TRAF1: variants seen among roughly 807,000 people sequenced by gnomAD.
The protein encoded by TRAF1 is TNF receptor associated factor 1.
A neutral mutation model predicts 40.9 loss-of-function variants in TRAF1; 23 were observed. That is an observed-to-expected ratio of 0.56 (90% CI 0.40 to 0.80). The LOEUF is 0.80. Among genes scored for constraint, TRAF1 ranks in the 30% least tolerant of loss-of-function variants. TRAF1 has a pLI of 0.00. For synonymous variants in TRAF1, 206 were observed against 218.8 expected, an observed-to-expected ratio of 0.94 and a Z score of 0.52; for missense variants, 477 against 528.7, an observed-to-expected ratio of 0.90 and a Z score of 0.96.
Position 120,905,232 on chromosome 9 carries a change from AG to A in TRAF1, c.1038del (p.Phe347SerfsTer20). Reference protein sequence around the residue: ...LLPWPFRNKVTFMLLDQNNRE... With the variant: ...LLPWPFRNKVXFMLLDQNNRE... ...CGGTTGTTCTGGTCCAGCAGCATGA[AG>A]GTGACCTGCAGGGAAGGGATAGGTG... On this transcript the variant is annotated frameshift_variant, in exon 8 of 8. Coordinates refer to ENST00000373887, the MANE Select transcript of TRAF1 (RefSeq NM_005658.5). LOFTEE classifies it high-confidence loss of function. 6.2e-7 allele frequency: 1 copy of A among 1,609,026 alleles called. No individual in the cohort carries two copies. Among genetic ancestry groups the A allele is most frequent in the Non-Finnish European group, 8.5e-7 (1 of 1,177,634 alleles).
At chr9:120,905,835 C>T (rs1211625813) in intron 7 of TRAF1, among the ~76,000 whole-genome samples, 1 of 152,208 alleles carries the variant, frequency 6.6e-6, no homozygotes, top group African/African-American at 2.4e-5. Flanking sequence ...CTGAAATGTC[C>T]ATCAGGAAGC....
In TRAF1 at chr9:120,913,734, C is replaced by A; in HGVS notation, c.299G>T (p.Ser100Ile). The A allele has an allele frequency of 6.4e-7, 1 of 1,562,962 alleles. No individual in the cohort carries two copies. The highest frequency in any genetic ancestry group is 1.9e-5 in the Admixed American group (1 of 54,002). The change falls in exon 5 of 8, where the codon AGC (serine) becomes ATC (isoleucine). Residue 100 changes from serine to isoleucine, a missense_variant. Ser to Ile is a moderately radical substitution (Grantham distance 142). Transcript: ENST00000373887. ...FAGVGCSFKGSPQSVQEHEVT... is the reference protein window; with the variant it reads ...FAGVGCSFKGIPQSVQEHEVT... The stretch of plus-strand genomic sequence containing the variant: ...CTCATGCTCTTGCACAGACTGTGGG[C>A]TTCCCTGACAAGAGAGTGGGGCTGA...
chr9:120,908,421 C>A (rs1281147358), intron 7 of TRAF1, among the ~76,000 whole-genome samples: 1 of 152,218 alleles, frequency 6.6e-6, no homozygotes, highest in African/African-American at 2.4e-5. Flanking sequence ...TATTTATTCT[C>A]TTTCCAAACA....
At chr9:120,909,902 A>G (rs1263417042) in intron 6 of TRAF1, among the ~76,000 whole-genome samples, 1 of 152,090 alleles carries the variant, frequency 6.6e-6, no homozygotes, top group Non-Finnish European at 1.5e-5. Flanking sequence ...GGCTGAGGGT[A>G]CATGGGGTGA....
rs985976448 is a variant in TRAF1 at position 120,902,462 on chromosome 9, T to C, written c.*2558A>G. On this transcript the variant is annotated 3_prime_UTR_variant, in exon 8 of 8. Transcript: ENST00000373887. ...CTTAAATTATCATCTCATCCTGCTT[T>C]CAATAGGCCCAGGGTTACCAGCAGG... 5 of 135,146 alleles carry C rather than the reference T, an allele frequency of 3.7e-5. No homozygotes were observed. The highest frequency in any genetic ancestry group is 1.4e-4 in the African/African-American group (5 of 36,470). The allele number at this position is 135,146 out of a possible 1,614,324, so 8.4% of individuals were successfully genotyped here. A position where few individuals can be genotyped will look rare whatever the true frequency, so the allele number is the denominator to read the frequency against.
rs34536586 is a variant in TRAF1 at position 120,909,258 on chromosome 9, G to A, written c.1004C>T (p.Ala335Val). 2.9e-5 allele frequency: 47 copies of A among 1,613,928 alleles called. No homozygotes were observed. Among genetic ancestry groups the A allele is most frequent in the Non-Finnish European group, 3.8e-5 (45 of 1,180,028 alleles). The change falls in exon 7 of 8, where the codon GCG becomes GTG. Residue 335 changes from alanine (A) to valine (V), a missense_variant. By Grantham distance (64) the Ala-to-Val change is moderately conservative. Transcript: ENST00000373887. The stretch of plus-strand genomic sequence containing the variant: ...GTTCCGGAAGGGCCACGGCAGCAGC[G>A]CATCATACTCCCCTCTCATGATCAC... ...FIVIMRGEYDALLPWPFRNKV... is the reference protein window; with the variant it reads ...FIVIMRGEYDVLLPWPFRNKV...
At position 120,913,501 on chromosome 9, in the gene TRAF1, G is replaced by A; in HGVS notation, c.532C>T (p.Leu178=). The change falls in exon 5 of 8, where the codon CTG becomes TTG. Residue 178 remains leucine (L), a synonymous_variant. Transcript: ENST00000373887. ...AGCTTCTCCTTCATGAAGTGCTGCA[G>A]GGCCAGCTCCTCCTGGCTCTCGGAG... ...PCSESQEELA[L]QHFMKEKLLA... 2 of 1,614,032 alleles carry A rather than the reference G, an allele frequency of 1.2e-6. No individual in the cohort carries two copies. The highest frequency in any genetic ancestry group is 1.1e-5 in the South Asian group (1 of 91,086).
At chr9:120,913,217 T>G in intron 5 of TRAF1, 111 bp downstream of exon 5, 2 of 1,320,058 alleles carry the variant, frequency 1.5e-6, no homozygotes, top group Non-Finnish European at 2.0e-6. Flanking sequence ...TACGTTTTGA[T>G]GGAGTGACTG....
Position 120,913,518 on chromosome 9 carries a change from C to G in TRAF1, c.515G>C (p.Ser172Thr). The G allele has an allele frequency of 1.2e-6, 2 of 1,613,968 alleles. No individual in the cohort carries two copies. Among genetic ancestry groups the G allele is most frequent in the Non-Finnish European group, 1.7e-6 (2 of 1,180,006 alleles). ...GTGCTGCAGGGCCAGCTCCTCCTGG[C>G]TCTCGGAGCAGGGTGCCCGGTAGCA... ...VDCYRAPCSESQEELALQHFM... is the reference protein window; with the variant it reads ...VDCYRAPCSETQEELALQHFM... The change falls in exon 5 of 8, where the codon AGC (serine) becomes ACC (threonine). Residue 172 changes from serine to threonine, a missense_variant. Ser to Thr is a moderately conservative substitution (Grantham distance 58). Coordinates refer to ENST00000373887, the MANE Select transcript of TRAF1 (RefSeq NM_005658.5).
chr9:120,912,382 C>T (rs956899476), intron 5 of TRAF1, among the ~76,000 whole-genome samples: 5 of 152,160 alleles, frequency 3.3e-5, no homozygotes, highest in East Asian at 1.9e-4. Context: ...ATAGGCCAGG[C>T]GCGGTGGCTT....
chr9:120,909,293 C>A lies in TRAF1; in HGVS notation c.969G>T (p.Ser323=). ...CCCCTCTCATGATCACGATGAAGAG[C>A]GACAGATGGGTTCTCTTTCCAGTGC... ...GDGTGKRTHL[S]LFIVIMRGEY... Residue 323 remains serine (S), a synonymous_variant, in exon 7 of 8, where the codon TCG becomes TCT. Transcript: ENST00000373887. 1 of 1,614,162 alleles carries A rather than the reference C, an allele frequency of 6.2e-7. No individual in the cohort carries two copies. The highest frequency in any genetic ancestry group is 1.7e-5 in the Admixed American group (1 of 60,020).
chr9:120,914,640 T>A, intron 3 of TRAF1: 10 of 981,706 alleles, frequency 1.0e-5, no homozygotes, highest in Non-Finnish European at 1.2e-5. Context: ...TTCCCAGTGC[T>A]GAGGGCAGTG....
At chr9:120,928,598 T>C (rs1269309162), upstream of TRAF1, 1 of 152,426 alleles carries the variant, frequency 6.6e-6, no homozygotes, top group Non-Finnish European at 1.5e-5. Flanking sequence ...ATCGGCTCCA[T>C]CCACGAGGAG....
chr9:120,924,601 G>A (rs2046626523), intron 2 of TRAF1, among the ~76,000 whole-genome samples: 1 of 152,124 alleles, frequency 6.6e-6, no homozygotes, highest in Non-Finnish European at 1.5e-5. Context: ...TTTTAGTAGA[G>A]ATGAGGTTTC....
chr9:120,919,012 A>G (rs1049066233), intron 3 of TRAF1, among the ~76,000 whole-genome samples: 1 of 152,182 alleles, frequency 6.6e-6, no homozygotes, highest in African/African-American at 2.4e-5. Context: ...GGAGCCCAGG[A>G]GCCTGGAGTC....
At chr9:120,914,154 T>G in intron 4 of TRAF1, 81 bp downstream of exon 4, 1 of 1,243,482 alleles carries the variant, frequency 8.0e-7, no homozygotes, top group Non-Finnish European at 1.1e-6. Context: ...TACGGGAAAA[T>G]CATGGAGGGG....
chr9:120,906,737 G>C (rs754138244), intron 7 of TRAF1, among the ~76,000 whole-genome samples: 1 of 152,146 alleles, frequency 6.6e-6, no homozygotes, highest in Non-Finnish European at 1.5e-5. Context: ...AATGCATAAG[G>C]ACATGTATCC....
chr9:120,925,534 G>A (rs374936834), intron 2 of TRAF1, among the ~76,000 whole-genome samples: 1 of 152,218 alleles, frequency 6.6e-6, no homozygotes. Context: ...TTCACCAAGA[G>A]GTTTATATTT....
chr9:120,909,187 T>G, intron 7 of TRAF1, 43 bp downstream of exon 7: 2 of 1,597,676 alleles, frequency 1.3e-6, no homozygotes, highest in South Asian at 1.1e-5. Context: ...GGACTCAGGC[T>G]TCCATGCTCC....
Sources: gnomAD v4.1 joint callset for allele counts (sites outside exome capture counted in the v4.1 genomes callset) on GRCh38, gnomAD v4.1.1 for gene constraint, MANE v1.5 for transcripts, NCBI Gene and HGNC (gene_info 2026-07-23, HGNC 2026-07-21) for gene names.